Variants in TMTC3 observed in about 807,000 individuals in gnomAD.
TMTC3 encodes the protein protein O-mannosyl-transferase TMTC3.
TMTC3 carries 52 observed loss-of-function variants against 92.2 expected under a neutral mutation model. The ratio of observed to expected loss-of-function variants is 0.56; its 90% confidence interval spans 0.45 to 0.71. TMTC3 has a LOEUF of 0.71. TMTC3 is among the 30% of genes least tolerant of loss of function. The pLI, the probability that TMTC3 is intolerant of heterozygous loss-of-function variation, is 0.00. For synonymous variants in TMTC3, 339 were observed against 363.3 expected (o/e 0.93, Z 0.76); for missense variants, 896 against 1,057.1 (o/e 0.85, Z 2.11).
At chr12:88,169,677 GC>G (rs1009885979) in intron 7 of TMTC3, among the ~76,000 whole-genome samples, 1 of 152,116 alleles carries the variant, frequency 6.6e-6, no homozygotes, top group Non-Finnish European at 1.5e-5. Flanking sequence ...AATCGCTCAT[GC>G]CTGTAATCCC....
At chr12:88,172,926 T>G in intron 8 of TMTC3, 181 bp downstream of exon 8, 10 of 1,492,578 alleles carry the variant, frequency 6.7e-6, no homozygotes, top group Non-Finnish European at 6.3e-6. Flanking sequence ...ACCTACTTAT[T>G]CTGTGTTCTT....
Position 88,189,699 on chromosome 12 carries a change from A to G in TMTC3, c.1536+753A>G, listed in dbSNP as rs530393697. ...CTATGTCAATTTTCATGTTATCAGC[A>G]AAATATTTCTGGGTTGTGACCGTAG... On this transcript the variant is annotated intron_variant, in intron 11 of 13. Transcript: ENST00000266712. Among the ~76,000 whole-genome samples the G allele has an allele frequency of 2.0e-5, 3 of 152,276 alleles. No homozygotes were observed. In the South Asian group the frequency reaches 6.2e-4, roughly 32 times the overall value.
rs144222672 is a variant in TMTC3, at chr12:88,165,740, G to T, written c.798-590G>T. Among the ~76,000 whole-genome samples, 343 of 152,138 alleles carry T rather than the reference G, an allele frequency of 2.3e-3. 2 individuals carry two copies. The highest frequency in any genetic ancestry group is 7.9e-3 in the African/African-American group (327 of 41,516). ...AAGTAGAACACAAATTCTTACACAG[G>T]CCTACACAGTTACTACTTTGTACTA... On this transcript the variant is annotated intron_variant, in intron 6 of 13. Transcript: ENST00000266712.
rs1411092070 is a variant in TMTC3, at chr12:88,176,273, T to C, written c.1386T>C (p.Phe462=). The part of the protein sequence containing the change: ...VGHALENEKN[F]ERALKYFLQA... ...ATGCTCTGGAAAATGAAAAGAACTT[T>C]GAGAGAGCTTTGAAATACTTCTTAC... Residue 462 remains phenylalanine, a synonymous_variant, in exon 10 of 14, where the codon TTT becomes TTC. Coordinates refer to ENST00000266712, the MANE Select transcript of TMTC3 (RefSeq NM_181783.4). 6.2e-7 allele frequency: 1 copy of C among 1,612,558 alleles called. No homozygotes were observed. The highest frequency in any genetic ancestry group is 2.2e-5 in the East Asian group (1 of 44,742).
At chr12:88,186,617 G>A (rs1188664429) in intron 10 of TMTC3, among the ~76,000 whole-genome samples, 1 of 152,000 alleles carries the variant, frequency 6.6e-6, no homozygotes, top group Admixed American at 6.6e-5. Flanking sequence ...AGTTCCTTTA[G>A]TTTCTTTAGT....
intron 1 of TMTC3, among the ~76,000 whole-genome samples, chr12:88,143,421 C>A (rs771436065): frequency 1.8e-4 from 27 of 152,106 alleles, no homozygotes; most frequent in Admixed American, 9.2e-4. Context: ...TCCTTACAAT[C>A]CAGTGAAATA....
In TMTC3 at chr12:88,160,788, G is replaced by A. The variant is rs1397839087; in HGVS notation, c.734G>A (p.Ser245Asn). Residue 245 changes from serine to asparagine, a missense_variant, in exon 6 of 14, where the codon AGT becomes AAT. Transcript: ENST00000266712. ...TLVKLIVLMF[S>N]TLLLVVIRVQ... ...GTAAAACTCATTGTCTTGATGTTCA[G>A]TACATTATTACTTGTTGTGATTAGA... The A allele has an allele frequency of 6.2e-7, 1 of 1,613,444 alleles. No individual in the cohort carries two copies. Among genetic ancestry groups the A allele is most frequent in the Admixed American group, 1.7e-5 (1 of 59,964 alleles).
intron 10 of TMTC3, among the ~76,000 whole-genome samples, chr12:88,187,602 T>C (rs1214330739): frequency 1.3e-5 from 2 of 152,142 alleles, no homozygotes; most frequent in African/African-American, 4.8e-5. Flanking sequence ...CTCCTAAACT[T>C]ATCTATAATC....
At chr12:88,188,419 A>G (rs2041402727) in intron 10 of TMTC3, among the ~76,000 whole-genome samples, 1 of 152,200 alleles carries the variant, frequency 6.6e-6, no homozygotes, top group Non-Finnish European at 1.5e-5. Flanking sequence ...GAAGGAAGGT[A>G]ATAAAAATTT....
intron 10 of TMTC3, among the ~76,000 whole-genome samples, chr12:88,177,493 A>T (rs987111218): frequency 6.6e-6 from 1 of 152,174 alleles, no homozygotes; most frequent in Non-Finnish European, 1.5e-5. Context: ...ACAGAATCTA[A>T]GCTGGTTAAG....
At position 88,178,656 on chromosome 12, in the gene TMTC3, C is replaced by T. The variant is rs188195602; in HGVS notation, c.1432+2337C>T. 4.6e-5 allele frequency among the ~76,000 whole-genome samples: 7 copies of T among 152,214 alleles called. No homozygotes were observed. In the East Asian group the frequency reaches 9.6e-4, roughly 21 times the overall value. On this transcript the variant is annotated intron_variant, in intron 10 of 13. Coordinates refer to ENST00000266712, the MANE Select transcript of TMTC3 (RefSeq NM_181783.4). ...CTGCATCATCAAGTAGGGTCCTATA[C>T]GCAGTCAGCAGTCTCTAAATATTTT...
chr12:88,151,157 T>C (rs2040938461), intron 2 of TMTC3, among the ~76,000 whole-genome samples: 1 of 131,284 alleles, frequency 7.6e-6, no homozygotes, highest in African/African-American at 2.8e-5. Flanking sequence ...TTAGTTGTTT[T>C]GTGTGGGAGG....
At position 88,196,821 on chromosome 12, in the gene TMTC3, A is replaced by G. The variant is rs774788546; in HGVS notation, c.*1172A>G. ...TATATTATGGATTAACCAGAATTGT[A>G]TCATTTTTGGCCTAATGTCTGGATA... is the stretch of plus-strand genomic sequence containing the variant. On this transcript the variant is annotated 3_prime_UTR_variant, in exon 14 of 14. Transcript: ENST00000266712. 9.9e-5 allele frequency: 15 copies of G among 151,866 alleles called. No individual in the cohort carries two copies. Among genetic ancestry groups the G allele is most frequent in the Non-Finnish European group, 1.9e-4 (13 of 67,784 alleles). 9.4% of individuals were successfully genotyped at this position (151,866 alleles called of 1,614,324 possible). A position where few individuals can be genotyped will look rare whatever the true frequency, so the allele number is the denominator to read the frequency against.
chr12:88,162,424 A>G (rs1270425289), intron 6 of TMTC3, among the ~76,000 whole-genome samples: 1 of 151,998 alleles, frequency 6.6e-6, no homozygotes, highest in Non-Finnish European at 1.5e-5. Flanking sequence ...TTTTTCTTGT[A>G]TGTCAGTTAA....
chr12:88,159,054 A>G (rs944758205), intron 4 of TMTC3, among the ~76,000 whole-genome samples: 2 of 147,946 alleles, frequency 1.4e-5, no homozygotes, highest in African/African-American at 2.5e-5. Flanking sequence ...CTCTGTCTCA[A>G]AAAAAAAAAA....
intron 8 of TMTC3, among the ~76,000 whole-genome samples, chr12:88,174,268 A>G (rs1444887733): frequency 2.0e-5 from 3 of 152,110 alleles, no homozygotes; most frequent in Non-Finnish European, 4.4e-5. Context: ...TCAATTAAGA[A>G]TACTCAGTTG....
chr12:88,192,556 C>A, intron 12 of TMTC3, 48 bp from the exon 13 acceptor site: 1 of 1,437,088 alleles, frequency 7.0e-7, no homozygotes, highest in South Asian at 1.2e-5. Context: ...TATCTACAAA[C>A]TGAGATGGTA....
At position 88,184,195 on chromosome 12, in the gene TMTC3, C is replaced by T. The variant is rs114706009; in HGVS notation, c.1433-4648C>T. ...GAGAGTGCAGCCCCCCTAAGCCAGC[C>T]CTGCTAGCATTTATTTAGTTCAGAT... On this transcript the variant is annotated intron_variant, in intron 10 of 13. Coordinates refer to ENST00000266712, the MANE Select transcript of TMTC3 (RefSeq NM_181783.4). 6.2e-3 allele frequency among the ~76,000 whole-genome samples: 946 copies of T among 151,954 alleles called. 11 individuals carry two copies. The highest frequency in any genetic ancestry group is 0.022 in the African/African-American group (912 of 41,442).
At chr12:88,187,425 A>G (rs1350523723) in intron 10 of TMTC3, among the ~76,000 whole-genome samples, 1 of 152,130 alleles carries the variant, frequency 6.6e-6, no homozygotes, top group Non-Finnish European at 1.5e-5. Flanking sequence ...TTATGTTTTG[A>G]TGGACCTAGG....
Sources: allele counts gnomAD v4.1 joint callset (sites outside exome capture counted in the v4.1 genomes callset), GRCh38; gene constraint gnomAD v4.1.1; transcripts MANE v1.5; gene names NCBI Gene and HGNC (gene_info 2026-07-23, HGNC 2026-07-21).